Variants in TECPR2 observed in about 807,000 individuals in gnomAD.
TECPR2 encodes the protein tectonin beta-propeller repeat containing 2, also known as tectonin beta-propeller repeat-containing protein 2.
A neutral mutation model predicts 138.1 loss-of-function variants in TECPR2; 65 were observed. The observed-to-expected ratio is 0.47, with a 90% confidence interval of 0.39 to 0.58. TECPR2 has a LOEUF of 0.58. TECPR2 is among the 20% of genes least tolerant of loss of function. TECPR2 has a pLI of 0.00. For synonymous variants in TECPR2, 746 were observed against 749.8 expected, an observed-to-expected ratio of 0.99 and a Z score of 0.08; for missense variants, 1,553 against 1,824.5, an observed-to-expected ratio of 0.85 and a Z score of 2.71.
chr14:102,404,638 G>T (rs1053143906), intron 2 of TECPR2, among the ~76,000 whole-genome samples: 1 of 151,132 alleles, frequency 6.6e-6, no homozygotes, highest in Non-Finnish European at 1.5e-5. Flanking sequence ...GTGCAATGGC[G>T]TGATCTCGGC....
intron 17 of TECPR2, among the ~76,000 whole-genome samples, chr14:102,486,555 C>A (rs977094807): frequency 6.6e-6 from 1 of 152,224 alleles, no homozygotes; most frequent in Non-Finnish European, 1.5e-5. Flanking sequence ...ATGAAACTGC[C>A]CCTTCCACAG....
rs546713772 is a variant in TECPR2 at position 102,415,695 on chromosome 14, C to T, written c.638+902C>T. Among the ~76,000 whole-genome samples the T allele has an allele frequency of 2.0e-5, 3 of 152,236 alleles. No individual in the cohort carries two copies. The highest frequency in any genetic ancestry group is 1.3e-4 in the Admixed American group (2 of 15,292). On this transcript the variant is annotated intron_variant, in intron 5 of 19. Transcript: ENST00000359520. The surrounding 1 kb of genome is among the most constrained non-coding windows in gnomAD (Gnocchi z 4.3). ...TACAGATCATGCGTTGATGAGTCTA[C>T]AGTCATGGATTGTCGATTGGCCGAT...
At chr14:102,448,736 G>A (rs1046628710) in intron 13 of TECPR2, among the ~76,000 whole-genome samples, 3 of 151,860 alleles carry the variant, frequency 2.0e-5, no homozygotes, top group Non-Finnish European at 1.5e-5. Flanking sequence ...CTGTTGTGGC[G>A]TGCGCCTGTA....
intron 2 of TECPR2, among the ~76,000 whole-genome samples, chr14:102,398,747 C>T (rs761874506): frequency 1.5e-4 from 23 of 152,056 alleles, no homozygotes; most frequent in Admixed American, 5.2e-4. Context: ...CTCAGGTCCT[C>T]GGGAGGCTAA....
chr14:102,486,932 C>G (rs1463617848), intron 17 of TECPR2, among the ~76,000 whole-genome samples: 3 of 152,128 alleles, frequency 2.0e-5, no homozygotes, highest in Non-Finnish European at 4.4e-5. Context: ...CTAGAAAGAC[C>G]AAACAGAAGT....
intron 16 of TECPR2, among the ~76,000 whole-genome samples, chr14:102,455,262 C>T (rs1003677702): frequency 6.6e-6 from 1 of 152,090 alleles, no homozygotes; most frequent in Admixed American, 6.6e-5. Flanking sequence ...TCCTGTGTTC[C>T]GCCTGCAAAA....
At chr14:102,465,702 T>A (rs1441585778) in intron 17 of TECPR2, 1 of 972,044 alleles carries the variant, frequency 1.0e-6, no homozygotes, top group African/African-American at 1.8e-5. Context: ...TGAGTGCCTC[T>A]CCTGGTTTGT....
At position 102,499,205 on chromosome 14, in the gene TECPR2, G is replaced by C. The variant is rs1295111128; in HGVS notation, c.*948G>C. On this transcript the variant is annotated 3_prime_UTR_variant, in exon 20 of 20. Transcript: ENST00000359520. ...AGGAGGGTGCATGGGGCGTGGGGGA[G>C]CTGAGCAAGGGTCGCTCACTTAGAA... 1 of 699,500 alleles carries C rather than the reference G, an allele frequency of 1.4e-6. No homozygotes were observed. Among genetic ancestry groups the C allele is most frequent in the Non-Finnish European group, 2.6e-6 (1 of 382,294 alleles). The allele number at this position is 699,500 out of a possible 1,614,324, so 43.3% of individuals were successfully genotyped here.
At chr14:102,456,300 G>A (rs1399975323) in intron 16 of TECPR2, among the ~76,000 whole-genome samples, 1 of 152,174 alleles carries the variant, frequency 6.6e-6, no homozygotes, top group African/African-American at 2.4e-5. Flanking sequence ...GCACCACCTC[G>A]CTTAGTCCTT....
At chr14:102,431,434 C>A (rs1889471893) in intron 7 of TECPR2, among the ~76,000 whole-genome samples, 1 of 151,134 alleles carries the variant, frequency 6.6e-6, no homozygotes, top group African/African-American at 2.4e-5. Flanking sequence ...GCTTTGCCTC[C>A]CAGGTTCACA....
At chr14:102,487,015 G>A (rs1891042764) in intron 17 of TECPR2, among the ~76,000 whole-genome samples, 1 of 152,192 alleles carries the variant, frequency 6.6e-6, no homozygotes, top group South Asian at 2.1e-4. Context: ...GCCCCCTGAG[G>A]CTGCACGGAT....
At chr14:102,439,145 A>T (rs3783378) in intron 10 of TECPR2, among the ~76,000 whole-genome samples, 1 of 151,864 alleles carries the variant, frequency 6.6e-6, no homozygotes, top group South Asian at 2.1e-4. Context: ...ATTACAGGTG[A>T]GAGCCACTAC....
At chr14:102,399,531 T>A (rs1038767701) in intron 2 of TECPR2, among the ~76,000 whole-genome samples, 8 of 152,122 alleles carry the variant, frequency 5.3e-5, no homozygotes, top group African/African-American at 1.4e-4. Flanking sequence ...CAAAGCCATA[T>A]AAAGAAATGA....
intron 2 of TECPR2, among the ~76,000 whole-genome samples, chr14:102,385,885 G>A (rs909192355): frequency 2.6e-5 from 4 of 151,434 alleles, no homozygotes; most frequent in African/African-American, 9.7e-5. Context: ...GTAGTGAGCC[G>A]AGATCGAGCC....
rs35544899 is a variant in TECPR2 at position 102,499,446 on chromosome 14, C to T, written c.*1189C>T. On this transcript the variant is annotated 3_prime_UTR_variant, in exon 20 of 20. Coordinates refer to ENST00000359520, the MANE Select transcript of TECPR2 (RefSeq NM_014844.5). ...GTTCCTTCCCGGGTTTGTCCTGAGC[C>T]TGCACTGTCCTCGCCTGCAGCCTCA... 1.8e-6 allele frequency: 1 copy of T among 560,692 alleles called. No homozygotes were observed. The highest frequency in any genetic ancestry group is 3.2e-6 in the Non-Finnish European group (1 of 312,560). The allele number at this position is 560,692 out of a possible 1,614,324, so 34.7% of individuals were successfully genotyped here. A position where few individuals can be genotyped will look rare whatever the true frequency, so the allele number is the denominator to read the frequency against.
At chr14:102,416,094 G>A (rs1201340958) in intron 5 of TECPR2, among the ~76,000 whole-genome samples, 2 of 152,064 alleles carry the variant, frequency 1.3e-5, no homozygotes, top group Admixed American at 6.6e-5. Context: ...TTCTATTTTC[G>A]ATGCTGAACA....
intron 5 of TECPR2, among the ~76,000 whole-genome samples, chr14:102,417,430 G>A (rs1245508095): frequency 2.0e-5 from 3 of 152,200 alleles, no homozygotes; most frequent in East Asian, 1.9e-4. Context: ...AGAGACTGTC[G>A]GTCAGCAGGA....
intron 2 of TECPR2, among the ~76,000 whole-genome samples, chr14:102,381,018 C>G (rs1371487591): frequency 2.0e-5 from 3 of 150,200 alleles, no homozygotes; most frequent in Non-Finnish European, 4.4e-5. Context: ...TCTTGTTGCC[C>G]AGGCTGGAGC....
At chr14:102,398,072 C>CAAAAAAAAAAAAAAAAAAAAAAA (rs560266373) in intron 2 of TECPR2, among the ~76,000 whole-genome samples, 14 of 45,364 alleles carry the variant, frequency 3.1e-4, no homozygotes, top group East Asian at 5.8e-4. Flanking sequence ...GATTCTGTCT[C>CAAAAAAAAAAAAAAAAAAAAAAA]AAAAAAAAAA....
Sources: gnomAD v4.1 joint callset for allele counts (sites outside exome capture counted in the v4.1 genomes callset) on GRCh38, gnomAD v4.1.1 for gene constraint, Gnocchi (gnomAD v3.1) non-coding constraint, MANE v1.5 for transcripts, NCBI Gene and HGNC (gene_info 2026-07-23, HGNC 2026-07-21) for gene names.